DNAJB12: variants seen among roughly 807,000 people sequenced by gnomAD.
DNAJB12 encodes DnaJ heat shock protein family (Hsp40) member B12, also known as dnaJ homolog subfamily B member 12.
Under a neutral mutation model 40.6 loss-of-function variants are expected in DNAJB12, and 14 were observed. The observed-to-expected ratio is 0.34, with a 90% CI of 0.23 to 0.54. DNAJB12 has a LOEUF of 0.54. DNAJB12 is among the 20% of genes least tolerant of loss of function. DNAJB12 has a pLI of 0.92. For missense variants in DNAJB12, 444 were observed against 501.7 expected (o/e 0.89, Z 1.10); for synonymous variants, 181 against 199.5 (o/e 0.91, Z 0.78).
chr10:72,336,308 G>A (rs1861472090), intron 7 of DNAJB12, among the ~76,000 whole-genome samples: 1 of 152,206 alleles, frequency 6.6e-6, no homozygotes, highest in East Asian at 1.9e-4. Flanking sequence ...GTGATTTACG[G>A]GAACCTGAGG....
chr10:72,354,808 G>A lies in DNAJB12; in HGVS notation c.90C>T (p.Phe30=). The A allele has an allele frequency of 1.9e-6, 3 of 1,613,938 alleles. No individual in the cohort carries two copies. Among genetic ancestry groups the A allele is most frequent in the Non-Finnish European group, 2.5e-6 (3 of 1,179,886 alleles). ...QSNQPDRALR[F]LEKAQRLYPT... The stretch of plus-strand genomic sequence containing the variant: ...GATACAGCCGCTGTGCCTTCTCCAG[G>A]AAGCGGAGCGCCCGGTCGGGCTGGT... The change falls in exon 1 of 9, where the codon TTC becomes TTT. Residue 30 remains phenylalanine (F), a synonymous_variant. Coordinates refer to ENST00000444643, the MANE Select transcript of DNAJB12 (RefSeq NM_017626.7).
At chr10:72,339,516 A>C (rs1175060240) in intron 5 of DNAJB12, among the ~76,000 whole-genome samples, 2 of 151,856 alleles carry the variant, frequency 1.3e-5, no homozygotes, top group Non-Finnish European at 2.9e-5. Context: ...CATGGGCAAC[A>C]GAGCGAGACT....
At position 72,334,450 on chromosome 10, in the gene DNAJB12, C is replaced by G; in HGVS notation, c.*198G>C. 1 of 1,122,260 alleles carries G rather than the reference C, an allele frequency of 8.9e-7. No individual in the cohort carries two copies. The highest frequency in any genetic ancestry group is 1.3e-6 in the Non-Finnish European group (1 of 778,188). The allele number at this position is 1,122,260 out of a possible 1,614,324, so 69.5% of individuals were successfully genotyped here. On this transcript the variant is annotated 3_prime_UTR_variant, in exon 9 of 9. Coordinates refer to ENST00000444643, the MANE Select transcript of DNAJB12 (RefSeq NM_017626.7). ...AGCAGCCCCATGGCAGGTTTTCTGT[C>G]TGTCCTAAGAGCTTTCTGCATTTAC...
Position 72,338,308 on chromosome 10 carries a change from C to T in DNAJB12, c.727G>A (p.Gly243Arg), listed in dbSNP as rs370892887. 5.1e-5 allele frequency: 83 copies of T among 1,613,894 alleles called. No homozygotes were observed. Among genetic ancestry groups the T allele is most frequent in the South Asian group, 4.2e-4 (38 of 91,074 alleles). ...QDRRDNQGDG[G>R]LGVFVQLMPI... is the part of the protein sequence containing the mutation. ...ATCAGCTGCACAAACACCCCTAGCC[C>T]GCCCTGGAGGGAAGAGCCAATGTCA... The change falls in exon 6 of 9, where the codon GGG (glycine) becomes AGG (arginine). Residue 243 changes from glycine (G) to arginine (R), a missense_variant. Gly to Arg is a moderately radical substitution (Grantham distance 125, BLOSUM62 -2). Coordinates refer to ENST00000444643, the MANE Select transcript of DNAJB12 (RefSeq NM_017626.7).
In DNAJB12 at chr10:72,335,287, G is replaced by A; in HGVS notation, c.*30+493C>T. 1.0e-6 allele frequency: 1 copy of A among 987,442 alleles called. No individual in the cohort carries two copies. The highest frequency in any genetic ancestry group is 1.2e-6 in the Non-Finnish European group (1 of 831,002). The allele number at this position is 987,442 out of a possible 1,614,324, so 61.2% of individuals were successfully genotyped here. ...TCCATTTCCTCCTAGCTGGAGGGAT[G>A]GAGAAAGGGGAGGGCTCTTGGCCCA... On this transcript the variant is annotated intron_variant, in intron 8 of 8. Coordinates refer to ENST00000444643, the MANE Select transcript of DNAJB12 (RefSeq NM_017626.7). The surrounding 1 kb of genome is among the most constrained non-coding windows in gnomAD (Gnocchi z 4.4).
chr10:72,338,414 G>A, intron 5 of DNAJB12, 103 bp from the exon 6 acceptor site: 1 of 903,358 alleles, frequency 1.1e-6, no homozygotes, highest in Non-Finnish European at 1.8e-6. Context: ...GGGGAGACAT[G>A]ACACCACTCT....
In DNAJB12 at chr10:72,333,528, C is replaced by T. The variant is rs1861376244; in HGVS notation, c.*1120G>A. The T allele has an allele frequency of 6.6e-6, 1 of 150,948 alleles. No homozygotes were observed. Among genetic ancestry groups the T allele is most frequent in the Admixed American group, 6.6e-5 (1 of 15,238 alleles). The allele number at this position is 150,948 out of a possible 1,614,324, so 9.4% of individuals were successfully genotyped here. ...GGAGTCGAGGAGGCTGCCCTGGGGT[C>T]CCGGCACCACTGACTGACTCGGAGG... On this transcript the variant is annotated 3_prime_UTR_variant, in exon 9 of 9. Coordinates refer to ENST00000444643, the MANE Select transcript of DNAJB12 (RefSeq NM_017626.7).
intron 1 of DNAJB12, chr10:72,354,467 T>C (rs1465813867): frequency 2.5e-6 from 1 of 396,354 alleles, no homozygotes; most frequent in African/African-American, 2.1e-5. Flanking sequence ...CACTTCCAGG[T>C]AAGTTCCCTT....
intron 1 of DNAJB12, among the ~76,000 whole-genome samples, chr10:72,350,670 T>C (rs1861914208): frequency 6.6e-6 from 1 of 152,130 alleles, no homozygotes; most frequent in Non-Finnish European, 1.5e-5. Flanking sequence ...GTGCTCACAG[T>C]GAGTCAGAAA....
intron 1 of DNAJB12, among the ~76,000 whole-genome samples, chr10:72,346,310 C>T (rs1436128562): frequency 1.3e-5 from 2 of 151,074 alleles, no homozygotes; most frequent in Non-Finnish European, 2.9e-5. Context: ...ACTACAGGCA[C>T]GTGCCACCAC....
At chr10:72,338,843 A>G (rs1861549538) in intron 5 of DNAJB12, among the ~76,000 whole-genome samples, 1 of 151,914 alleles carries the variant, frequency 6.6e-6, no homozygotes, top group African/African-American at 2.4e-5. Flanking sequence ...TAGAAATAGC[A>G]CTGGTTCTAG....
At chr10:72,352,770 A>T (rs1242956079) in intron 1 of DNAJB12, among the ~76,000 whole-genome samples, 1 of 152,228 alleles carries the variant, frequency 6.6e-6, no homozygotes, top group Non-Finnish European at 1.5e-5. Flanking sequence ...AGCACCAAGC[A>T]GAGGACTTTG....
In DNAJB12 at chr10:72,335,964, C is replaced by T. The variant is rs572856313; in HGVS notation, c.1007-33G>A. The T allele has an allele frequency of 1.6e-4, 258 of 1,611,612 alleles. 2 individuals are homozygous for T. The highest frequency in any genetic ancestry group is 1.3e-3 in the South Asian group (122 of 90,882). On this transcript the variant is annotated intron_variant, in intron 7 of 8. Transcript: ENST00000444643. This position sits in a 1 kb window ranked among gnomAD's most constrained non-coding sequence, Gnocchi z 4.4. ...GCAATGGGACAGGGTTAGTGCACAC[C>T]CAGTACCTCCCGAAGCCTGCAAGGA... is the stretch of plus-strand genomic sequence containing the variant.
rs375580939 is a variant in DNAJB12 at position 72,354,675 on chromosome 10, T to TC, written c.133+89dup. On this transcript the variant is annotated intron_variant, in intron 1 of 8. Transcript: ENST00000444643. The stretch of plus-strand genomic sequence containing the variant: ...AGGCGTAGCCGCGCCTCGCCACCCC[T>TC]CCCCCTCCCCCAACTGCTCCCGTCG... 741 of 1,008,072 alleles carry TC rather than the reference T, an allele frequency of 7.4e-4. 3 individuals are homozygous for TC. The African/African-American group carries it at 0.011, about 15-fold the overall frequency. 62.4% of individuals were successfully genotyped at this position (1,008,072 alleles called of 1,614,324 possible).
intron 1 of DNAJB12, among the ~76,000 whole-genome samples, chr10:72,346,927 C>T (rs934197796): frequency 7.9e-5 from 12 of 151,714 alleles, no homozygotes; most frequent in Non-Finnish European, 1.5e-4. Context: ...GTAAAATATT[C>T]AGTCCACTGC....
chr10:72,341,933 T>C (rs1442083882), intron 3 of DNAJB12, among the ~76,000 whole-genome samples: 1 of 152,220 alleles, frequency 6.6e-6, no homozygotes, highest in Non-Finnish European at 1.5e-5. Context: ...TCCGACTTTA[T>C]GAAAACCACC....
rs1251155552 is a variant in DNAJB12 at position 72,333,379 on chromosome 10, A to G, written c.*1269T>C. ...TGTTTTAAGCAAAATCCTCATTTCAATGTGAGGGTAAGAAAACTATTCTGG... is the reference window on the plus strand; with the variant it reads ...TGTTTTAAGCAAAATCCTCATTTCAGTGTGAGGGTAAGAAAACTATTCTGG... On this transcript the variant is annotated 3_prime_UTR_variant, in exon 9 of 9. Transcript: ENST00000444643. The G allele has an allele frequency of 2.6e-5, 4 of 152,214 alleles. No homozygotes were observed. The East Asian group carries it at 7.7e-4, about 29-fold the overall frequency. The allele number at this position is 152,214 out of a possible 1,614,324, so 9.4% of individuals were successfully genotyped here.
intron 5 of DNAJB12, among the ~76,000 whole-genome samples, chr10:72,339,493 C>T (rs995898010): frequency 1.3e-5 from 2 of 151,478 alleles, no homozygotes; most frequent in Non-Finnish European, 2.9e-5. Context: ...AAGATTGTGC[C>T]ACTGCACTCC....
chr10:72,340,677 C>T (rs1861607940), intron 5 of DNAJB12, 112 bp downstream of exon 5: 3 of 1,094,030 alleles, frequency 2.7e-6, no homozygotes, highest in Middle Eastern at 5.8e-4. Context: ...GTTATGGGGA[C>T]TCTGCTGGTC....
Sources: allele counts gnomAD v4.1 joint callset (sites outside exome capture counted in the v4.1 genomes callset), GRCh38; gene constraint gnomAD v4.1.1; non-coding constraint Gnocchi (gnomAD v3.1); transcripts MANE v1.5; gene names NCBI Gene and HGNC (gene_info 2026-07-23, HGNC 2026-07-21).